BMPER: variants seen among roughly 807,000 people sequenced by gnomAD.
The protein encoded by BMPER is BMP-binding endothelial regulator protein.
Under a neutral mutation model 87.3 loss-of-function variants are expected in BMPER, and 45 were observed. The observed-to-expected ratio is 0.52, with a 90% CI of 0.41 to 0.66. The LOEUF (loss-of-function observed/expected upper bound fraction) is 0.66, where lower values mean the gene tolerates loss of function less well. BMPER is among the 30% of genes least tolerant of loss of function. The pLI is 0.00. For missense variants in BMPER, 784 were observed against 867.5 expected (o/e 0.90, Z 1.21); for synonymous variants, 326 against 316.2 (o/e 1.03, Z -0.33).
chr7:34,038,492 T>C (rs1187445894), intron 6 of BMPER, among the ~76,000 whole-genome samples: 1 of 152,174 alleles, frequency 6.6e-6, no homozygotes, highest in African/African-American at 2.4e-5. Context: ...AAAATAAGTG[T>C]GTGTTGTTTT....
intron 6 of BMPER, among the ~76,000 whole-genome samples, chr7:34,028,227 A>G (rs1360530372): frequency 1.3e-5 from 2 of 152,120 alleles, no homozygotes. Context: ...GTCTTTTATT[A>G]AGTGAGACAT....
chr7:34,123,006 CTA>C (rs1790302156), intron 13 of BMPER, among the ~76,000 whole-genome samples: 1 of 152,134 alleles, frequency 6.6e-6, no homozygotes, highest in Non-Finnish European at 1.5e-5. Context: ...TTTAAGAACT[CTA>C]TATCAGCCAG....
intron 13 of BMPER, among the ~76,000 whole-genome samples, chr7:34,119,014 T>TCTCTCTCTCACACACACACACACACA (rs66493349): frequency 3.8e-4 from 52 of 135,788 alleles, no homozygotes; most frequent in African/African-American, 1.4e-3. Flanking sequence ...TCTCTCTCTC[T>TCTCTCTCTCACACACACACACACACA]CACACACACA....
chr7:33,993,554 T>C (rs1015637271), intron 6 of BMPER, among the ~76,000 whole-genome samples: 7 of 151,926 alleles, frequency 4.6e-5, no homozygotes, highest in Non-Finnish European at 7.4e-5. Context: ...CTTCTTTGCC[T>C]TTGGTTTGAA....
intron 6 of BMPER, among the ~76,000 whole-genome samples, chr7:34,030,073 T>G (rs1250335053): frequency 6.6e-6 from 1 of 152,090 alleles, no homozygotes; most frequent in East Asian, 1.9e-4. Flanking sequence ...GTAGCTTGTA[T>G]TAACAAGAGT....
intron 6 of BMPER, among the ~76,000 whole-genome samples, chr7:34,006,132 C>T (rs931934497): frequency 6.6e-5 from 10 of 151,788 alleles, no homozygotes; most frequent in Non-Finnish European, 1.2e-4. Context: ...TCTAATTCCA[C>T]CCTTTGTAAA....
At chr7:34,100,054 C>G (rs2392262) in intron 13 of BMPER, among the ~76,000 whole-genome samples, 106,419 of 151,976 alleles carry the variant, frequency 0.7, 37,943 homozygotes, top group East Asian at 0.93. Flanking sequence ...TCCTCCCTCC[C>G]TCCCTCTCTC....
intron 6 of BMPER, among the ~76,000 whole-genome samples, chr7:34,024,597 A>G (rs913790985): frequency 1.3e-5 from 2 of 150,666 alleles, no homozygotes; most frequent in African/African-American, 4.9e-5. Flanking sequence ...GTCTTTCTCC[A>G]TATCACTCAA....
At chr7:34,002,526 A>G (rs1283987120) in intron 6 of BMPER, among the ~76,000 whole-genome samples, 1 of 151,702 alleles carries the variant, frequency 6.6e-6, no homozygotes, top group African/African-American at 2.4e-5. Flanking sequence ...GCATCTTTGT[A>G]TCTGTTAGGC....
chr7:33,994,660 G>T (rs906423958), intron 6 of BMPER, among the ~76,000 whole-genome samples: 3 of 152,124 alleles, frequency 2.0e-5, no homozygotes, highest in African/African-American at 7.2e-5. Context: ...TAAAAGTTTT[G>T]CCTTTGCTGT....
intron 13 of BMPER, among the ~76,000 whole-genome samples, chr7:34,102,117 A>G (rs929384844): frequency 4.1e-5 from 6 of 147,118 alleles, no homozygotes; most frequent in African/African-American, 1.5e-4. Context: ...CAAGGTTTCC[A>G]TGAGGTCCCC....
At position 34,129,870 on chromosome 7, in the gene BMPER, C is replaced by G. The variant is rs568658268; in HGVS notation, c.1746-13360C>G. Among the ~76,000 whole-genome samples, 17 of 152,270 alleles carry G rather than the reference C, an allele frequency of 1.1e-4. No individual in the cohort carries two copies. The East Asian group carries it at 3.3e-3, about 29-fold the overall frequency. On this transcript the variant is annotated intron_variant, in intron 13 of 14. Coordinates refer to ENST00000649409, the MANE Select transcript of BMPER (RefSeq NM_001365308.1). Reference sequence around the variant, plus strand: ...GCATTCAGTTCTGCCTGCTTCTTTGCTAGATATTTGGATTAGCACCTTGGT... The same window carrying G: ...GCATTCAGTTCTGCCTGCTTCTTTGGTAGATATTTGGATTAGCACCTTGGT...
intron 11 of BMPER, among the ~76,000 whole-genome samples, chr7:34,068,288 G>A (rs1788646846): frequency 6.6e-6 from 1 of 152,198 alleles, no homozygotes; most frequent in Non-Finnish European, 1.5e-5. Context: ...TGGCCCGAAA[G>A]CTTGGTCTGG....
chr7:34,059,027 GA>G lies in BMPER; in HGVS notation c.1032+875del, dbSNP rs71554121. 1.7e-3 allele frequency among the ~76,000 whole-genome samples: 234 copies of G among 137,914 alleles called. 1 individual carries two copies. The highest frequency in any genetic ancestry group is 4.3e-3 in the East Asian group (19 of 4,468). 90.5% of individuals were successfully genotyped at this position (137,914 alleles called of 152,430 possible). ...CTGAATAAAGAGGAGAGGAAAAAAA[GA>G]AAAAAAAAAACCCTAATTAGTCTTG... On this transcript the variant is annotated intron_variant, in intron 10 of 14. Transcript: ENST00000649409.
At chr7:34,092,473 TACA>T (rs1789413451) in intron 13 of BMPER, among the ~76,000 whole-genome samples, 1 of 152,200 alleles carries the variant, frequency 6.6e-6, no homozygotes, top group Non-Finnish European at 1.5e-5. Flanking sequence ...TGTATGGTGT[TACA>T]ACAACTGGAC....
intron 6 of BMPER, among the ~76,000 whole-genome samples, chr7:34,027,015 T>C (rs1787375362): frequency 6.6e-6 from 1 of 152,044 alleles, no homozygotes; most frequent in Non-Finnish European, 1.5e-5. Context: ...TAAGTGGTGA[T>C]GTATGGTGTT....
upstream of BMPER, chr7:33,905,388 A>C: frequency 2.6e-6 from 1 of 388,208 alleles, no homozygotes; most frequent in South Asian, 2.5e-5. Context: ...GCATCGGAGG[A>C]GCCTGGCCGC....
At chr7:34,065,093 C>A (rs1788540641) in intron 11 of BMPER, among the ~76,000 whole-genome samples, 1 of 151,864 alleles carries the variant, frequency 6.6e-6, no homozygotes, top group African/African-American at 2.4e-5. Context: ...AAGGATGAAA[C>A]TACAAAAAAG....
At chr7:34,019,177 C>T (rs1162603727) in intron 6 of BMPER, among the ~76,000 whole-genome samples, 2 of 152,018 alleles carry the variant, frequency 1.3e-5, no homozygotes, top group Non-Finnish European at 2.9e-5. Flanking sequence ...TAAAATATAG[C>T]TTTGGAGAAA....
Sources: allele counts gnomAD v4.1 joint callset (sites outside exome capture counted in the v4.1 genomes callset), GRCh38; gene constraint gnomAD v4.1.1; transcripts MANE v1.5; gene names NCBI Gene and HGNC (gene_info 2026-07-23, HGNC 2026-07-21).